Variants in SPECC1L observed in about 807,000 individuals in gnomAD.
The protein encoded by SPECC1L is sperm antigen with calponin homology and coiled-coil domains 1 like.
SPECC1L carries 40 observed loss-of-function variants against 116.8 expected under a neutral mutation model. The ratio of observed to expected loss-of-function variants is 0.34; its 90% confidence interval spans 0.27 to 0.45. The LOEUF (loss-of-function observed/expected upper bound fraction) is 0.45, where lower values mean the gene tolerates loss of function less well. Ranked by LOEUF, SPECC1L falls within the 20% of genes least tolerant of loss-of-function variation. The pLI is 1.00. For synonymous variants in SPECC1L, 504 were observed against 500.6 expected (o/e 1.01, Z -0.09); for missense variants, 1,110 against 1,373.6 (o/e 0.81, Z 3.03).
At chr22:24,414,388 G>C (rs1348942059) in intron 16 of SPECC1L, 146 bp from the exon 17 acceptor site, 4 of 727,442 alleles carry the variant, frequency 5.5e-6, no homozygotes, top group Non-Finnish European at 9.7e-6. Context: ...AGCATTCTTG[G>C]CCAGGCTTTA....
intron 11 of SPECC1L, among the ~76,000 whole-genome samples, chr22:24,357,077 A>G (rs930771487): frequency 5.9e-5 from 9 of 152,152 alleles, no homozygotes; most frequent in African/African-American, 2.2e-4. Flanking sequence ...ATTTGCCCAC[A>G]GTTGAAAATC....
chr22:24,282,520 TA>T (rs1809954881), intron 2 of SPECC1L, among the ~76,000 whole-genome samples: 1 of 152,216 alleles, frequency 6.6e-6, no homozygotes, highest in Non-Finnish European at 1.5e-5. Flanking sequence ...TCAATCGTGG[TA>T]AAAGTGGATT....
intron 2 of SPECC1L, 42 bp downstream of exon 2, chr22:24,276,845 A>G (rs1569399384): frequency 2.3e-6 from 1 of 442,630 alleles, no homozygotes; most frequent in Non-Finnish European, 4.5e-6. Context: ...TTCTCTCCTT[A>G]ATATATTCTC....
At chr22:24,300,980 G>A (rs2049365787) in intron 2 of SPECC1L, among the ~76,000 whole-genome samples, 1 of 152,134 alleles carries the variant, frequency 6.6e-6, no homozygotes, top group South Asian at 2.1e-4. Context: ...CTGGATTAAA[G>A]ACTTAAATGT....
At chr22:24,292,046 G>A (rs935407502) in intron 2 of SPECC1L, among the ~76,000 whole-genome samples, 3 of 152,170 alleles carry the variant, frequency 2.0e-5, no homozygotes, top group African/African-American at 7.2e-5. Flanking sequence ...CAAGATCCTG[G>A]TGTAACTACA....
rs201527235 is a variant in SPECC1L, at chr22:24,321,331, A to G, written c.351A>G (p.Lys117=). The G allele has an allele frequency of 2.1e-4, 334 of 1,614,152 alleles. No individual in the cohort carries two copies. The highest frequency in any genetic ancestry group is 2.8e-4 in the Non-Finnish European group (329 of 1,180,064). ...STKRSTSTGN[K]ESSSTRERLR... Reference sequence around the variant, plus strand: ...AGCGGAGCACTTCTACAGGTAATAAAGAATCCAGTTCTACTAGAGAAAGAT... The same window carrying G: ...AGCGGAGCACTTCTACAGGTAATAAGGAATCCAGTTCTACTAGAGAAAGAT... Residue 117 remains lysine, a synonymous_variant, in exon 5 of 17, where the codon AAA becomes AAG. Transcript: ENST00000314328.
intron 14 of SPECC1L, among the ~76,000 whole-genome samples, chr22:24,386,096 T>C (rs1220136248): frequency 6.7e-6 from 1 of 150,336 alleles, no homozygotes; most frequent in Non-Finnish European, 1.5e-5. Context: ...TGATAAAATT[T>C]AACTCCTGTT....
At position 24,358,176 on chromosome 22, in the gene SPECC1L, G is replaced by A. The variant is rs537358753; in HGVS notation, c.2744-5085G>A. Among the ~76,000 whole-genome samples the A allele has an allele frequency of 4.1e-5, 6 of 147,384 alleles. No homozygotes were observed. The East Asian group carries it at 1.2e-3, about 30-fold the overall frequency. ...GTCACCCAGGTTGGAGTGCAGTGGT[G>A]TGATCCTCACTCACTGCAGTCTCGA... On this transcript the variant is annotated intron_variant, in intron 11 of 16. Transcript: ENST00000314328.
chr22:24,352,067 C>T (rs1368837891), intron 11 of SPECC1L, among the ~76,000 whole-genome samples: 4 of 151,648 alleles, frequency 2.6e-5, no homozygotes, highest in Non-Finnish European at 1.5e-5. Flanking sequence ...CATGCACTTG[C>T]AGGAAAATGT....
intron 5 of SPECC1L, among the ~76,000 whole-genome samples, chr22:24,323,746 G>A (rs1235732573): frequency 2.0e-5 from 3 of 152,168 alleles, no homozygotes; most frequent in African/African-American, 7.2e-5. Flanking sequence ...CAGTTTAGGA[G>A]ATTTGTATTA....
At chr22:24,376,137 G>T (rs376692520) in intron 14 of SPECC1L, among the ~76,000 whole-genome samples, 1 of 152,068 alleles carries the variant, frequency 6.6e-6, no homozygotes, top group Non-Finnish European at 1.5e-5. Context: ...GAAAGAAAAG[G>T]CATCCAGATA....
intron 2 of SPECC1L, among the ~76,000 whole-genome samples, chr22:24,280,513 A>G (rs1399156136): frequency 1.3e-5 from 2 of 151,348 alleles, no homozygotes; most frequent in Non-Finnish European, 2.9e-5. Context: ...CAACTCCATC[A>G]TTGTAGTGCA....
chr22:24,366,415 G>A (rs1423304497), intron 13 of SPECC1L, among the ~76,000 whole-genome samples: 4 of 152,144 alleles, frequency 2.6e-5, no homozygotes, highest in South Asian at 2.1e-4. Context: ...GGATGGTCTC[G>A]ATCTCCTGAC....
chr22:24,294,732 C>G (rs1281143059), intron 2 of SPECC1L, among the ~76,000 whole-genome samples: 1 of 151,980 alleles, frequency 6.6e-6, no homozygotes, highest in Non-Finnish European at 1.5e-5. Flanking sequence ...TGACTAGGTT[C>G]CCAGAGAATT....
intron 14 of SPECC1L, among the ~76,000 whole-genome samples, chr22:24,393,851 A>AT (rs1337873992): frequency 6.6e-6 from 1 of 151,758 alleles, no homozygotes; most frequent in Non-Finnish European, 1.5e-5. Flanking sequence ...TCTCCCCCAC[A>AT]TTTCCCATCC....
At chr22:24,333,724 TGGTG>T (rs1378109084) in intron 8 of SPECC1L, among the ~76,000 whole-genome samples, 15 of 152,226 alleles carry the variant, frequency 9.9e-5, no homozygotes, top group African/African-American at 3.6e-4. Context: ...TATCAGGTAC[TGGTG>T]AACCTCCAGA....
At chr22:24,355,878 T>G (rs1189455344) in intron 11 of SPECC1L, among the ~76,000 whole-genome samples, 1 of 152,014 alleles carries the variant, frequency 6.6e-6, no homozygotes, top group Non-Finnish European at 1.5e-5. Flanking sequence ...GTATACAGTT[T>G]TGTGGGTTTT....
chr22:24,354,215 A>T (rs1207513266), intron 11 of SPECC1L, among the ~76,000 whole-genome samples: 1 of 152,164 alleles, frequency 6.6e-6, no homozygotes, highest in African/African-American at 2.4e-5. Context: ...TGGGGCTTAC[A>T]TTTGAGCATG....
chr22:24,328,693 AT>A (rs1329549379), intron 6 of SPECC1L, among the ~76,000 whole-genome samples, 152 bp from the exon 7 acceptor site: 3 of 152,074 alleles, frequency 2.0e-5, no homozygotes, highest in Non-Finnish European at 4.4e-5. Context: ...TGAATTTAAC[AT>A]TTTTTCTGTT....
Sources: allele counts gnomAD v4.1 joint callset (sites outside exome capture counted in the v4.1 genomes callset), GRCh38; gene constraint gnomAD v4.1.1; transcripts MANE v1.5; gene names NCBI Gene and HGNC (gene_info 2026-07-23, HGNC 2026-07-21).